The following BBOX1 variants were observed in gnomAD, a reference collection of about 807,000 sequenced individuals.
BBOX1 encodes gamma-butyrobetaine dioxygenase.
A neutral mutation model predicts 41.6 loss-of-function variants in BBOX1; 35 were observed. The ratio of observed to expected loss-of-function variants is 0.84; its 90% CI spans 0.64 to 1.11. BBOX1 has a LOEUF of 1.11. Ranked by LOEUF, BBOX1 falls within the 50% of genes most tolerant of loss-of-function variation. BBOX1 has a pLI of 0.00. For missense variants in BBOX1, 458 were observed against 460.6 expected (o/e 0.99, Z 0.05); for synonymous variants, 163 against 154.7 (o/e 1.05, Z -0.40).
chr11:27,073,008 G>A (rs909530664), intron 4 of BBOX1, among the ~76,000 whole-genome samples: 22 of 152,246 alleles, frequency 1.4e-4, no homozygotes, highest in Non-Finnish European at 2.9e-4. Flanking sequence ...GCATGGGCAA[G>A]GACGTCATGT....
At chr11:27,075,885 C>A (rs543635479) in intron 4 of BBOX1, among the ~76,000 whole-genome samples, 2 of 152,174 alleles carry the variant, frequency 1.3e-5, no homozygotes, top group African/African-American at 4.8e-5. Flanking sequence ...AAGAATTCCT[C>A]TTCTCCAGGA....
At position 27,127,577 on chromosome 11, in the gene BBOX1, C is replaced by A. The variant is rs1859712875; in HGVS notation, c.*124C>A. On this transcript the variant is annotated 3_prime_UTR_variant, in exon 9 of 9. Transcript: ENST00000263182. ...TTCCTTAACAATGAACATGTAACTTCTCTCACAAGAGTACTCTTTACTTTG... is the reference window on the plus strand; with the variant it reads ...TTCCTTAACAATGAACATGTAACTTATCTCACAAGAGTACTCTTTACTTTG... The A allele has an allele frequency of 6.3e-6, 7 of 1,113,086 alleles. No homozygotes were observed. The highest frequency in any genetic ancestry group is 2.9e-4 in the Middle Eastern group (1 of 3,500). The allele number at this position is 1,113,086 out of a possible 1,614,324, so 69.0% of individuals were successfully genotyped here. A position where few individuals can be genotyped will look rare whatever the true frequency, so the allele number is the denominator to read the frequency against.
intron 5 of BBOX1, among the ~76,000 whole-genome samples, chr11:27,101,165 T>C (rs956321070): frequency 6.6e-6 from 1 of 152,140 alleles, no homozygotes; most frequent in East Asian, 1.9e-4. Context: ...AACATTTACC[T>C]CCTAATTTCC....
intron 5 of BBOX1, among the ~76,000 whole-genome samples, chr11:27,098,620 GA>G (rs745453479): frequency 7.2e-5 from 11 of 152,042 alleles, no homozygotes; most frequent in Admixed American, 5.9e-4. Flanking sequence ...ATAATATTGA[GA>G]AATTCAGACA....
At chr11:27,050,114 T>G (rs1457099741) in intron 2 of BBOX1, among the ~76,000 whole-genome samples, 1 of 152,160 alleles carries the variant, frequency 6.6e-6, no homozygotes, top group Non-Finnish European at 1.5e-5. Flanking sequence ...AGAGACTTTC[T>G]TTTCCCCATT....
At chr11:27,101,797 G>T (rs1444403715) in intron 5 of BBOX1, among the ~76,000 whole-genome samples, 2 of 152,064 alleles carry the variant, frequency 1.3e-5, no homozygotes, top group African/African-American at 4.8e-5. Context: ...CCACAATCAA[G>T]CTTATTAACA....
At chr11:27,124,138 A>G (rs1859561577) in intron 7 of BBOX1, among the ~76,000 whole-genome samples, 1 of 152,144 alleles carries the variant, frequency 6.6e-6, no homozygotes. Context: ...TATTCACTAA[A>G]TGTAACCCAG....
At chr11:27,053,305 G>A (rs1036183840) in intron 2 of BBOX1, among the ~76,000 whole-genome samples, 27 of 152,144 alleles carry the variant, frequency 1.8e-4, no homozygotes, top group African/African-American at 5.5e-4. Context: ...GTATTCCATC[G>A]TAATGAAAGC....
At chr11:27,049,330 A>G (rs1399279109) in intron 2 of BBOX1, among the ~76,000 whole-genome samples, 3 of 152,122 alleles carry the variant, frequency 2.0e-5, no homozygotes, top group Non-Finnish European at 4.4e-5. Context: ...ATGATAATTG[A>G]TAGCATTTTT....
intron 5 of BBOX1, among the ~76,000 whole-genome samples, chr11:27,112,512 A>G (rs1163652624): frequency 6.6e-6 from 1 of 151,948 alleles, no homozygotes; most frequent in Non-Finnish European, 1.5e-5. Flanking sequence ...CACACCTACA[A>G]CCCTCTGATT....
At chr11:27,081,974 A>G (rs1857854607) in intron 4 of BBOX1, among the ~76,000 whole-genome samples, 2 of 152,030 alleles carry the variant, frequency 1.3e-5, no homozygotes, top group South Asian at 2.1e-4. Flanking sequence ...TCGGATGGAT[A>G]GATTGCAAAA....
intron 4 of BBOX1, among the ~76,000 whole-genome samples, chr11:27,092,548 C>T (rs17243895): frequency 0.051 from 7,780 of 151,992 alleles, 298 homozygotes; most frequent in South Asian, 0.17. Flanking sequence ...AGAGAGCTAA[C>T]GGAAAGCATT....
intron 4 of BBOX1, chr11:27,063,005 A>G (rs1857176925): frequency 6.6e-6 from 1 of 152,292 alleles, no homozygotes; most frequent in African/African-American, 2.4e-5. Context: ...GTTTGGATGG[A>G]CCAGCATAGG....
chr11:27,095,992 C>A (rs1385738105), intron 5 of BBOX1, among the ~76,000 whole-genome samples: 1 of 151,778 alleles, frequency 6.6e-6, no homozygotes, highest in East Asian at 1.9e-4. Context: ...GCTTGTTTTT[C>A]TTTTTTTATT....
At chr11:27,060,536 C>A (rs1857105791) in intron 4 of BBOX1, among the ~76,000 whole-genome samples, 1 of 152,164 alleles carries the variant, frequency 6.6e-6, no homozygotes, top group African/African-American at 2.4e-5. Context: ...AAATTCTTAG[C>A]CACATACCAA....
rs1485522730 is a variant in BBOX1 at position 27,127,538 on chromosome 11, G to A, written c.*85G>A. The A allele has an allele frequency of 7.0e-7, 1 of 1,421,878 alleles. No homozygotes were observed. Among genetic ancestry groups the A allele is most frequent in the Non-Finnish European group, 9.5e-7 (1 of 1,051,776 alleles). 88.1% of individuals were successfully genotyped at this position (1,421,878 alleles called of 1,614,324 possible). On this transcript the variant is annotated 3_prime_UTR_variant, in exon 9 of 9. Coordinates refer to ENST00000263182, the MANE Select transcript of BBOX1 (RefSeq NM_003986.3). The stretch of plus-strand genomic sequence containing the variant: ...ATTATTCACAGACCATGATCTTTGT[G>A]ATTTACATATAATTTCCTTAACAAT...
At chr11:27,082,846 A>G (rs1857897451) in intron 4 of BBOX1, among the ~76,000 whole-genome samples, 1 of 152,114 alleles carries the variant, frequency 6.6e-6, no homozygotes, top group African/African-American at 2.4e-5. Context: ...TTTTCTTCAG[A>G]TAGATGGTCA....
intron 5 of BBOX1, among the ~76,000 whole-genome samples, chr11:27,094,019 T>C (rs1168058756): frequency 6.6e-6 from 1 of 152,020 alleles, no homozygotes; most frequent in Non-Finnish European, 1.5e-5. Context: ...ATTAAACTTT[T>C]ACCTCCCAAG....
intron 5 of BBOX1, among the ~76,000 whole-genome samples, chr11:27,101,791 A>G (rs1858671082): frequency 6.6e-6 from 1 of 152,154 alleles, no homozygotes; most frequent in Non-Finnish European, 1.5e-5. Context: ...TGATTGCCAC[A>G]ATCAAGCTTA....
Sources: gnomAD v4.1 joint callset for allele counts (sites outside exome capture counted in the v4.1 genomes callset) on GRCh38, gnomAD v4.1.1 for gene constraint, MANE v1.5 for transcripts, NCBI Gene and HGNC (gene_info 2026-07-23, HGNC 2026-07-21) for gene names.